TRIM50: variants seen among roughly 807,000 people sequenced by gnomAD.
TRIM50 encodes the protein tripartite motif containing 50, also known as E3 ubiquitin-protein ligase TRIM50.
In TRIM50, 34 loss-of-function variants were observed where a neutral mutation model predicts 44.9. That is an observed-to-expected ratio of 0.76 (90% CI 0.58 to 1.01). The LOEUF (loss-of-function observed/expected upper bound fraction) is 1.01. Among genes scored for constraint, TRIM50 ranks in the 50% least tolerant of loss-of-function variants. The pLI, the probability that TRIM50 is intolerant of heterozygous loss-of-function variation, is 0.00. For missense variants in TRIM50, 633 were observed against 663.7 expected (o/e 0.95, Z 0.51); for synonymous variants, 307 against 291.1 (o/e 1.05, Z -0.56).
At chr7:73,323,949 A>T (rs1425769855) in intron 2 of TRIM50, among the ~76,000 whole-genome samples, 2 of 152,122 alleles carry the variant, frequency 1.3e-5, no homozygotes, top group Non-Finnish European at 2.9e-5. Context: ...CTGAGGTGGG[A>T]GGATTGCTTC....
At chr7:73,324,038 T>C (rs1804553547) in intron 2 of TRIM50, among the ~76,000 whole-genome samples, 1 of 144,860 alleles carries the variant, frequency 6.9e-6, no homozygotes, top group South Asian at 2.1e-4. Context: ...AGACGCTGTC[T>C]CCAAAAAGAA....
chr7:73,323,841 C>T (rs1440220201), intron 2 of TRIM50, among the ~76,000 whole-genome samples: 3 of 152,176 alleles, frequency 2.0e-5, no homozygotes, highest in African/African-American at 7.2e-5. Context: ...AGGAGTTCAA[C>T]ACCAGCCTGG....
chr7:73,315,254 C>G (rs1232264626), intron 6 of TRIM50: 1 of 150,194 alleles, frequency 6.7e-6, no homozygotes. Flanking sequence ...GAAAATAATA[C>G]AAATTTTCCT....
intron 2 of TRIM50, among the ~76,000 whole-genome samples, chr7:73,321,312 G>A (rs1389027319): frequency 6.6e-6 from 1 of 152,148 alleles, no homozygotes; most frequent in African/African-American, 2.4e-5. Flanking sequence ...GCACTTCCTG[G>A]ATTGAATGCT....
intron 1 of TRIM50, among the ~76,000 whole-genome samples, chr7:73,326,288 G>T (rs544115606): frequency 6.6e-6 from 1 of 150,898 alleles, no homozygotes; most frequent in South Asian, 2.1e-4. Context: ...TTTTAGTAGA[G>T]ACAGGGGTCT....
rs781932690 is a variant in TRIM50 at position 73,318,923 on chromosome 7, C to T, written c.625G>A (p.Asp209Asn). The T allele has an allele frequency of 2.5e-6, 4 of 1,614,016 alleles. No individual in the cohort carries two copies. In the South Asian group the frequency reaches 4.4e-5, roughly 18 times the overall value. The change falls in exon 4 of 7, where the codon GAC becomes AAC. Residue 209 changes from aspartate (D) to asparagine (N), a missense_variant. Physicochemically the swap from Asp to Asn is conservative, Grantham distance 23. Coordinates refer to ENST00000333149, the MANE Select transcript of TRIM50 (RefSeq NM_178125.3). ...GHTRGLVASL[D>N]MQLEQAQGTR... is the part of the protein sequence containing the mutation. ...CCCTGGGCCTGCTCCAGCTGCATGT[C>T]CAGGGAGGCCACCAGGCCACGGGTG...
chr7:73,321,863 TC>T (rs2115759813), intron 2 of TRIM50: 1 of 152,146 alleles, frequency 6.6e-6, no homozygotes, highest in South Asian at 2.1e-4. Context: ...AATGTCACTC[TC>T]CCCAGGCAGA....
chr7:73,324,418 G>T lies in TRIM50; in HGVS notation c.370C>A (p.Pro124Thr). ...LGSHQHHPVT[P>T]VSTVYSRMKE... ...ATGCGGCTGTAGACGGTGGAGACGG[G>T]CGTGACCGGGTGGTGTTGGTGGGAG... The change falls in exon 2 of 7, where the codon CCC becomes ACC. Residue 124 changes from proline to threonine, a missense_variant. Coordinates refer to ENST00000333149, the MANE Select transcript of TRIM50 (RefSeq NM_178125.3). The T allele has an allele frequency of 6.2e-7, 1 of 1,613,700 alleles. No homozygotes were observed. Among genetic ancestry groups the T allele is most frequent in the Non-Finnish European group, 8.5e-7 (1 of 1,179,968 alleles).
chr7:73,325,885 G>A (rs1468278987), intron 1 of TRIM50, among the ~76,000 whole-genome samples: 34 of 147,858 alleles, frequency 2.3e-4, no homozygotes, highest in African/African-American at 6.1e-4. Context: ...TTTTTTGGGC[G>A]GGGGGGCTGG....
At chr7:73,314,064 G>A (rs1196282447) in intron 6 of TRIM50, 5 of 291,170 alleles carry the variant, frequency 1.7e-5, no homozygotes, top group Admixed American at 4.6e-5. Context: ...AATGTGAGAT[G>A]TGCTCCCCCC....
In TRIM50 at chr7:73,313,158, G is replaced by T; in HGVS notation, c.1227C>A (p.Gly409=). Residue 409 remains glycine (G), a synonymous_variant, in exon 7 of 7, where the codon GGC becomes GGA. Coordinates refer to ENST00000333149, the MANE Select transcript of TRIM50 (RefSeq NM_178125.3). The surrounding 1 kb of genome is among the most constrained non-coding windows in gnomAD (Gnocchi z 4.9). ...ACPRVPLPVA[G]HPHRIGLYLH... ...GGTAGAGCCCGATGCGGTGGGGGTG[G>T]CCGGCCACGGGCAGGGGTACCCGGG... The T allele has an allele frequency of 6.3e-7, 1 of 1,587,786 alleles. No homozygotes were observed. The highest frequency in any genetic ancestry group is 1.1e-5 in the South Asian group (1 of 87,434).
At chr7:73,321,927 G>A (rs1409227457) in intron 2 of TRIM50, 1 of 152,180 alleles carries the variant, frequency 6.6e-6, no homozygotes, top group Non-Finnish European at 1.5e-5. Flanking sequence ...GCAAATCAAT[G>A]CACCCATCAA....
At chr7:73,327,480 G>GTCAATCAA (rs563606509) in intron 1 of TRIM50, among the ~76,000 whole-genome samples, 5 of 152,138 alleles carry the variant, frequency 3.3e-5, no homozygotes, top group African/African-American at 9.6e-5. Context: ...ACGAGCCTCT[G>GTCAATCAA]TCAATCAATC....
Position 73,313,538 on chromosome 7 carries a change from G to A in TRIM50, c.875-28C>T. On this transcript the variant is annotated intron_variant, in intron 6 of 6. Coordinates refer to ENST00000333149, the MANE Select transcript of TRIM50 (RefSeq NM_178125.3). This position sits in a 1 kb window ranked among gnomAD's most constrained non-coding sequence, Gnocchi z 4.9. ...GGGAGGGAGATCACAGAGGGTCTGT[G>A]AGGCCACGTGGAGGGCAGCAGACCC... The A allele has an allele frequency of 6.8e-7, 1 of 1,464,096 alleles. No individual in the cohort carries two copies. The highest frequency in any genetic ancestry group is 9.0e-7 in the Non-Finnish European group (1 of 1,108,528). The allele number at this position is 1,464,096 out of a possible 1,614,324, so 90.7% of individuals were successfully genotyped here.
rs1554544849 is a variant in TRIM50, at chr7:73,320,232, G to T, written c.410C>A (p.Ala137Glu). The T allele has an allele frequency of 1.2e-6, 2 of 1,613,978 alleles. No individual in the cohort carries two copies. The highest frequency in any genetic ancestry group is 1.3e-5 in the African/African-American group (1 of 75,038). ...CTGCTTCAGCTCAGAGATGAGGGCT[G>T]CGAGCTCCTCCTGGAGGCAACAGGC... is the stretch of plus-strand genomic sequence containing the variant. ...TVYSRMKEELAALISELKQEQ... is the reference protein window; with the variant it reads ...TVYSRMKEELEALISELKQEQ... The change falls in exon 3 of 7, where the codon GCA (alanine) becomes GAA (glutamate). Residue 137 changes from alanine to glutamate, a missense_variant. By Grantham distance (107) the Ala-to-Glu change is moderately radical. Coordinates refer to ENST00000333149, the MANE Select transcript of TRIM50 (RefSeq NM_178125.3).
chr7:73,314,338 T>G, intron 6 of TRIM50: 1 of 370,834 alleles, frequency 2.7e-6, no homozygotes, highest in Non-Finnish European at 5.3e-6. Context: ...AACTGTCTCC[T>G]GCTATTAACC....
chr7:73,316,558 G>A lies in TRIM50; in HGVS notation c.874+7C>T. On this transcript the variant is annotated splice_region_variant and intron_variant, in intron 6 of 6. Coordinates refer to ENST00000333149, the MANE Select transcript of TRIM50 (RefSeq NM_178125.3). ...CCCTCAGGAAGGAGGACGGGTCAGG[G>A]CCTCACCTGGCAAAACTTTCCGGAA... is the stretch of plus-strand genomic sequence containing the variant. The A allele has an allele frequency of 6.2e-7, 1 of 1,614,056 alleles. No individual in the cohort carries two copies. The highest frequency in any genetic ancestry group is 1.1e-5 in the South Asian group (1 of 91,080).
rs1229210934 is a variant in TRIM50 at position 73,320,390 on chromosome 7, C to T, written c.400-148G>A. The T allele has an allele frequency of 8.0e-6, 9 of 1,127,052 alleles. No individual in the cohort carries two copies. In the African/African-American group the frequency reaches 1.4e-4, roughly 17 times the overall value. The allele number at this position is 1,127,052 out of a possible 1,614,324, so 69.8% of individuals were successfully genotyped here. ...AGAGCCACCCAGGTACCCTTGAGTC[C>T]AAAACAGGTTAAATTGTTCGAGAAT... On this transcript the variant is annotated intron_variant, in intron 2 of 6. Transcript: ENST00000333149.
At chr7:73,322,354 C>A (rs1403805688) in intron 2 of TRIM50, among the ~76,000 whole-genome samples, 5 of 152,102 alleles carry the variant, frequency 3.3e-5, no homozygotes, top group South Asian at 4.1e-4. Context: ...GTCTCAACAA[C>A]AACAACAACA....
Sources: gnomAD v4.1 joint callset for allele counts (sites outside exome capture counted in the v4.1 genomes callset) on GRCh38, gnomAD v4.1.1 for gene constraint, Gnocchi (gnomAD v3.1) non-coding constraint, MANE v1.5 for transcripts, NCBI Gene and HGNC (gene_info 2026-07-23, HGNC 2026-07-21) for gene names.